ABCB1: variants seen among roughly 807,000 people sequenced by gnomAD.
ABCB1 encodes ATP binding cassette subfamily B member 1.
ABCB1 carries 69 observed loss-of-function variants against 142.0 expected under a neutral mutation model. That is an observed-to-expected ratio of 0.49 (90% CI 0.40 to 0.59). The LOEUF is 0.59. ABCB1 is among the 20% of genes least tolerant of loss of function. The pLI is 0.00. For missense variants in ABCB1, 1,326 were observed against 1,554.7 expected (o/e 0.85, Z 2.47); for synonymous variants, 532 against 539.2 (o/e 0.99, Z 0.18).
intron 9 of ABCB1, among the ~76,000 whole-genome samples, chr7:87,551,725 A>T (rs1817080963): frequency 6.6e-6 from 1 of 152,228 alleles, no homozygotes; most frequent in African/African-American, 2.4e-5. Flanking sequence ...TTGGAAATAT[A>T]AATACTTTTC....
At chr7:87,674,804 G>T (rs1482415571) in intron 1 of ABCB1, among the ~76,000 whole-genome samples, 2 of 152,058 alleles carry the variant, frequency 1.3e-5, no homozygotes, top group Non-Finnish European at 2.9e-5. Flanking sequence ...CTGACAGGAG[G>T]GTGCTTAGAT....
Position 87,504,568 on chromosome 7 carries a change from G to A in ABCB1, c.3637-119C>T, listed in dbSNP as rs28364272. 446 of 1,362,740 alleles carry A rather than the reference G, an allele frequency of 3.3e-4. 4 individuals carry two copies. In the East Asian group the frequency reaches 0.011, roughly 34 times the overall value. 84.4% of individuals were successfully genotyped at this position (1,362,740 alleles called of 1,614,324 possible). A position where few individuals can be genotyped will look rare whatever the true frequency, so the allele number is the denominator to read the frequency against. On this transcript the variant is annotated intron_variant, in intron 27 of 27. Transcript: ENST00000622132. ...TCACGCCTGTAATCCCAGCACTTTGGGAGGCCAAGGCGGGCAGATCACAAG... is the reference window on the plus strand; with the variant it reads ...TCACGCCTGTAATCCCAGCACTTTGAGAGGCCAAGGCGGGCAGATCACAAG...
At chr7:87,697,162 C>T (rs1034322413) in intron 1 of ABCB1, among the ~76,000 whole-genome samples, 2 of 152,190 alleles carry the variant, frequency 1.3e-5, no homozygotes, top group African/African-American at 4.8e-5. Context: ...TCTTCTTGTT[C>T]ATGGACAACC....
At chr7:87,611,055 TA>T (rs1819832698) in intron 1 of ABCB1, among the ~76,000 whole-genome samples, 1 of 152,222 alleles carries the variant, frequency 6.6e-6, no homozygotes, top group African/African-American at 2.4e-5. Context: ...GGTCTTCTTC[TA>T]ATTAACTCCC....
intron 1 of ABCB1, among the ~76,000 whole-genome samples, chr7:87,705,535 A>G (rs992115409): frequency 6.6e-6 from 1 of 152,228 alleles, no homozygotes; most frequent in African/African-American, 2.4e-5. Context: ...TAGCCTAACA[A>G]TAGAATAAAA....
intron 3 of ABCB1, among the ~76,000 whole-genome samples, chr7:87,590,551 A>C (rs868342261): frequency 7.2e-5 from 11 of 152,226 alleles, no homozygotes; most frequent in African/African-American, 2.7e-4. Context: ...GACAGGAAGG[A>C]TACAGTTCAT....
chr7:87,512,293 T>C (rs1815050914), intron 25 of ABCB1, among the ~76,000 whole-genome samples: 2 of 152,158 alleles, frequency 1.3e-5, no homozygotes, highest in South Asian at 2.1e-4. Context: ...AGCTTAATTA[T>C]TCAAGACTCT....
At chr7:87,526,391 T>G (rs1014817485) in intron 21 of ABCB1, among the ~76,000 whole-genome samples, 2 of 152,028 alleles carry the variant, frequency 1.3e-5, no homozygotes, top group East Asian at 3.9e-4. Flanking sequence ...TTAAAAATCC[T>G]TATGAGTGGC....
chr7:87,597,288 G>A (rs973204175), intron 2 of ABCB1, among the ~76,000 whole-genome samples: 7 of 151,660 alleles, frequency 4.6e-5, no homozygotes, highest in African/African-American at 9.7e-5. Flanking sequence ...TGCTTAGAAA[G>A]ACAAGTCATT....
At chr7:87,539,510 G>GA (rs2117153137) in intron 18 of ABCB1, among the ~76,000 whole-genome samples, 165 bp from the exon 19 acceptor site, 1 of 152,336 alleles carries the variant, frequency 6.6e-6, no homozygotes, top group Non-Finnish European at 1.5e-5. Context: ...GGCTGTACGG[G>GA]TGGTGTAGAC....
At chr7:87,693,658 A>G (rs936134054) in intron 1 of ABCB1, among the ~76,000 whole-genome samples, 30 of 152,188 alleles carry the variant, frequency 2.0e-4, no homozygotes, top group African/African-American at 6.5e-4. Context: ...ATTTCTGCTC[A>G]CATATTTTTG....
chr7:87,561,340 A>G lies in ABCB1; in HGVS notation c.750T>C (p.Ala250=). 1 of 1,613,946 alleles carries G rather than the reference A, an allele frequency of 6.2e-7. No individual in the cohort carries two copies. Among genetic ancestry groups the G allele is most frequent in the African/African-American group, 1.3e-5 (1 of 75,062 alleles). The part of the protein sequence containing the change: ...TDKELLAYAK[A]GAVAEEVLAA... ...CCAAGACCTCTTCAGCTACTGCTCC[A>G]GCTTTTGCATACGCTAAGAGTTCTT... Residue 250 remains alanine (A), a synonymous_variant, in exon 8 of 28, where the codon GCT becomes GCC. Transcript: ENST00000622132.
upstream of ABCB1, chr7:87,603,181 A>G (rs1819525161): frequency 6.6e-6 from 1 of 152,240 alleles, no homozygotes; most frequent in South Asian, 2.1e-4. Context: ...ATAACAACTA[A>G]CATTTATTAA....
chr7:87,570,010 CA>C (rs761054268), intron 5 of ABCB1, among the ~76,000 whole-genome samples, 161 bp downstream of exon 5: 3 of 152,070 alleles, frequency 2.0e-5, no homozygotes, highest in Non-Finnish European at 2.9e-5. Context: ...ATACTTTATG[CA>C]GCCAATTCTT....
At chr7:87,556,673 C>T (rs1392731214) in intron 8 of ABCB1, among the ~76,000 whole-genome samples, 1 of 152,246 alleles carries the variant, frequency 6.6e-6, no homozygotes, top group Non-Finnish European at 1.5e-5. Context: ...GGCCTCCCCA[C>T]TGGTCTCCCT....
intron 1 of ABCB1, among the ~76,000 whole-genome samples, chr7:87,685,970 T>C (rs1827417394): frequency 6.6e-6 from 1 of 152,124 alleles, no homozygotes; most frequent in African/African-American, 2.4e-5. Context: ...TAAAAAGAAG[T>C]CCCAAGGAAT....
In ABCB1 at chr7:87,554,097, T is replaced by C. The variant is rs778096956; in HGVS notation, c.828-165A>G. ...TATAGTAGTACTGTTTTACTCCCTT[T>C]TTGCAGAAGAAGAAACTGACATTTA... On this transcript the variant is annotated intron_variant, in intron 8 of 27. Transcript: ENST00000622132. 3.9e-5 allele frequency among the ~76,000 whole-genome samples: 6 copies of C among 152,362 alleles called. 1 individual carries two copies. The highest frequency in any genetic ancestry group is 1.4e-4 in the African/African-American group (6 of 41,596).
chr7:87,508,020 C>A (rs1447318816), intron 26 of ABCB1, among the ~76,000 whole-genome samples: 2 of 151,696 alleles, frequency 1.3e-5, no homozygotes, highest in African/African-American at 4.8e-5. Flanking sequence ...GAAAAACTAC[C>A]TATTGGGTTC....
At chr7:87,559,741 A>G (rs1275793589) in intron 8 of ABCB1, among the ~76,000 whole-genome samples, 1 of 152,168 alleles carries the variant, frequency 6.6e-6, no homozygotes, top group African/African-American at 2.4e-5. Flanking sequence ...TACTTCACAG[A>G]GTAGTATAAA....
Sources: gnomAD v4.1 joint callset for allele counts (sites outside exome capture counted in the v4.1 genomes callset) on GRCh38, gnomAD v4.1.1 for gene constraint, MANE v1.5 for transcripts, NCBI Gene and HGNC (gene_info 2026-07-23, HGNC 2026-07-21) for gene names.